Variants in PRKD1 observed in about 807,000 individuals in gnomAD.
PRKD1 encodes the protein serine/threonine-protein kinase D1.
Under a neutral mutation model 95.9 loss-of-function variants are expected in PRKD1, and 63 were observed. That is an observed-to-expected ratio of 0.66 (90% CI 0.54 to 0.81). PRKD1 has a LOEUF of 0.81. Among genes scored for constraint, PRKD1 ranks in the 30% least tolerant of loss-of-function variants. The pLI is 0.00. For missense variants in PRKD1, 1,048 were observed against 1,165.3 expected, an observed-to-expected ratio of 0.90 and a Z score of 1.47; for synonymous variants, 425 against 423.1, an observed-to-expected ratio of 1.00 and a Z score of -0.05.
intron 14 of PRKD1, among the ~76,000 whole-genome samples, chr14:29,599,408 T>C (rs189032103): frequency 6.6e-6 from 1 of 152,166 alleles, no homozygotes. Flanking sequence ...ACTAAACCAA[T>C]GTACATTTTA....
intron 1 of PRKD1, among the ~76,000 whole-genome samples, chr14:29,923,012 C>G (rs898714944): frequency 6.6e-6 from 1 of 152,074 alleles, no homozygotes; most frequent in Non-Finnish European, 1.5e-5. Flanking sequence ...AGGAGGACCT[C>G]TTGATCCCAG....
chr14:29,629,577 T>C (rs549447396), intron 10 of PRKD1, among the ~76,000 whole-genome samples: 1 of 152,300 alleles, frequency 6.6e-6, no homozygotes, highest in Admixed American at 6.5e-5. Context: ...GACAGATAAA[T>C]GGATAACACT....
At chr14:29,867,540 G>A (rs1892953638) in intron 1 of PRKD1, among the ~76,000 whole-genome samples, 1 of 152,228 alleles carries the variant, frequency 6.6e-6, no homozygotes, top group Non-Finnish European at 1.5e-5. Context: ...TTGAGAGGGT[G>A]GCAGGGGCCA....
At chr14:29,712,238 C>CT (rs903667214) in intron 2 of PRKD1, among the ~76,000 whole-genome samples, 2 of 152,032 alleles carry the variant, frequency 1.3e-5, no homozygotes, top group Admixed American at 6.6e-5. Context: ...GGAGAAAATT[C>CT]TTTTTTTTCT....
intron 1 of PRKD1, among the ~76,000 whole-genome samples, chr14:29,897,273 C>T (rs1894167505): frequency 6.6e-6 from 1 of 152,072 alleles, no homozygotes; most frequent in East Asian, 1.9e-4. Flanking sequence ...TGTTATACTA[C>T]TTCCTTATTG....
At chr14:29,813,368 T>C (rs370566867) in intron 1 of PRKD1, among the ~76,000 whole-genome samples, 2 of 152,314 alleles carry the variant, frequency 1.3e-5, no homozygotes, top group East Asian at 1.9e-4. Flanking sequence ...TTAAATTTTA[T>C]ATACAAAAGA....
chr14:29,916,945 T>C lies in PRKD1; in HGVS notation c.264+10304A>G, dbSNP rs529176623. Among the ~76,000 whole-genome samples the C allele has an allele frequency of 6.9e-4, 105 of 152,168 alleles. 1 individual carries two copies. The highest frequency in any genetic ancestry group is 6.5e-4 in the Non-Finnish European group (44 of 68,016). ...ATCTCCTAACACTCTGAAAAGGACA[T>C]AGCCACTTTTTGTAATGATAAGAAC... On this transcript the variant is annotated intron_variant, in intron 1 of 17. Transcript: ENST00000331968.
At chr14:29,726,260 T>C (rs35811677) in intron 1 of PRKD1, among the ~76,000 whole-genome samples, 31,771 of 152,144 alleles carry the variant, frequency 0.21, 3,506 homozygotes, top group South Asian at 0.26. Context: ...GCATTCCATG[T>C]GGCTTTCATG....
intron 2 of PRKD1, among the ~76,000 whole-genome samples, chr14:29,682,172 T>C (rs1959434): frequency 0.52 from 78,672 of 151,558 alleles, 22,978 homozygotes; most frequent in African/African-American, 0.8. Flanking sequence ...TGCAGTTTGT[T>C]TCCTGGTTTT....
Position 29,912,842 on chromosome 14 carries a change from CTG to C in PRKD1, c.264+14405_264+14406del. ...TCCATGTATTTTGCCTTTGTCATTACTGTGAAGAGCACTTTACGCTACAGCTT... is the reference window on the plus strand; with the variant it reads ...TCCATGTATTTTGCCTTTGTCATTACTGAAGAGCACTTTACGCTACAGCTT... On this transcript the variant is annotated intron_variant, in intron 1 of 17. Coordinates refer to ENST00000331968, the MANE Select transcript of PRKD1 (RefSeq NM_002742.3). Among the ~76,000 whole-genome samples, 3 of 152,302 alleles carry C rather than the reference CTG, an allele frequency of 2.0e-5. 1 individual carries two copies. The Middle Eastern group carries it at 0.01, about 518-fold the overall frequency.
At chr14:29,614,628 T>A (rs1878718312) in intron 13 of PRKD1, among the ~76,000 whole-genome samples, 1 of 152,082 alleles carries the variant, frequency 6.6e-6, no homozygotes. Context: ...ACAACAGTTA[T>A]AATAATAAAT....
intron 1 of PRKD1, among the ~76,000 whole-genome samples, chr14:29,820,751 T>A (rs1019776869): frequency 2.6e-5 from 4 of 152,020 alleles, no homozygotes; most frequent in African/African-American, 7.3e-5. Context: ...GAGGGAATAG[T>A]AGAATATTTT....
chr14:29,620,621 A>G (rs61977968), intron 13 of PRKD1, among the ~76,000 whole-genome samples: 1 of 149,888 alleles, frequency 6.7e-6, no homozygotes, highest in Non-Finnish European at 1.5e-5. Context: ...CAAAACCACA[A>G]TGAGATACCA....
At chr14:29,910,568 T>C (rs1458724371) in intron 1 of PRKD1, among the ~76,000 whole-genome samples, 1 of 152,186 alleles carries the variant, frequency 6.6e-6, no homozygotes, top group Non-Finnish European at 1.5e-5. Flanking sequence ...GAAAGAAAGA[T>C]TATGAAAGTG....
intron 13 of PRKD1, among the ~76,000 whole-genome samples, chr14:29,605,276 C>T (rs182545066): frequency 6.2e-4 from 95 of 152,276 alleles, no homozygotes; most frequent in Admixed American, 4.0e-3. Context: ...GAATCACCAC[C>T]AACTTCTGGA....
At chr14:29,878,180 G>GA (rs1180232223) in intron 1 of PRKD1, among the ~76,000 whole-genome samples, 3 of 152,008 alleles carry the variant, frequency 2.0e-5, no homozygotes, top group African/African-American at 7.2e-5. Context: ...GAGAGGATCA[G>GA]AAAAAATAAC....
chr14:29,609,724 T>A (rs1034140867), intron 13 of PRKD1, among the ~76,000 whole-genome samples: 4 of 148,508 alleles, frequency 2.7e-5, no homozygotes, highest in Admixed American at 2.7e-4. Context: ...ATTTTTTTTT[T>A]TTTTTTGTAC....
chr14:29,869,957 C>T (rs1893045610), intron 1 of PRKD1, among the ~76,000 whole-genome samples: 1 of 152,076 alleles, frequency 6.6e-6, no homozygotes, highest in Admixed American at 6.6e-5. Flanking sequence ...CCATCATTGC[C>T]CACTTTCTCC....
At chr14:29,901,405 G>A (rs2095282277) in intron 1 of PRKD1, among the ~76,000 whole-genome samples, 1 of 152,160 alleles carries the variant, frequency 6.6e-6, no homozygotes, top group Non-Finnish European at 1.5e-5. Context: ...CTACCTGGGT[G>A]ATGGGATCAT....
Sources: gnomAD v4.1 joint callset for allele counts (sites outside exome capture counted in the v4.1 genomes callset) on GRCh38, gnomAD v4.1.1 for gene constraint, MANE v1.5 for transcripts, NCBI Gene and HGNC (gene_info 2026-07-23, HGNC 2026-07-21) for gene names.